The following RETREG1 variants were observed in gnomAD, a reference collection of about 807,000 sequenced individuals.
RETREG1 encodes the protein family with sequence similarity 134 member B.
In RETREG1, 44 loss-of-function variants were observed where a neutral mutation model predicts 54.8. The observed-to-expected ratio is 0.80, with a 90% CI of 0.63 to 1.03. RETREG1 has a LOEUF of 1.03. Among genes scored for constraint, RETREG1 ranks in the 50% least tolerant of loss-of-function variants. The probability of loss-of-function intolerance (pLI) is 0.00; values close to 1 mark genes in which losing one functional copy is unlikely to be tolerated. For missense variants in RETREG1, 554 were observed against 605.1 expected, an observed-to-expected ratio of 0.92 and a Z score of 0.89; for synonymous variants, 217 against 238.5, an observed-to-expected ratio of 0.91 and a Z score of 0.83.
At position 16,593,939 on chromosome 5, in the gene RETREG1, C is replaced by T. The variant is rs994200652; in HGVS notation, c.321-21837G>A. Among the ~76,000 whole-genome samples, 16 of 152,236 alleles carry T rather than the reference C, an allele frequency of 1.1e-4. No homozygotes were observed. Among genetic ancestry groups the T allele is most frequent in the African/African-American group, 3.9e-4 (16 of 41,468 alleles). On this transcript the variant is annotated intron_variant, in intron 1 of 8. Coordinates refer to ENST00000306320, the MANE Select transcript of RETREG1 (RefSeq NM_001034850.3). This position sits in a 1 kb window ranked among gnomAD's most constrained non-coding sequence, Gnocchi z 4.9. The stretch of plus-strand genomic sequence containing the variant: ...ACGAATGTCTGGCCTTCTTTCTAGA[C>T]ACCTGGTAGTTCCAACAAAAAGCCA...
chr5:16,543,997 C>A (rs914255181), intron 3 of RETREG1, among the ~76,000 whole-genome samples: 27 of 113,560 alleles, frequency 2.4e-4, no homozygotes, highest in East Asian at 6.0e-4. Flanking sequence ...TTTTTGGAGA[C>A]GGAGTCTCAC....
chr5:16,543,954 G>T (rs1418781073), intron 3 of RETREG1, among the ~76,000 whole-genome samples: 16 of 147,172 alleles, frequency 1.1e-4, no homozygotes, highest in Admixed American at 4.0e-4. Context: ...TTTTTTATGG[G>T]TTTGTTTATT....
intron 3 of RETREG1, among the ~76,000 whole-genome samples, chr5:16,486,256 G>A (rs906388270): frequency 6.6e-5 from 10 of 152,128 alleles, no homozygotes; most frequent in East Asian, 3.9e-4. Context: ...AAATTTAATC[G>A]AAATATATAT....
intron 1 of RETREG1, among the ~76,000 whole-genome samples, chr5:16,581,801 G>A (rs9687146): frequency 6.6e-6 from 1 of 152,036 alleles, no homozygotes; most frequent in African/African-American, 2.4e-5. Context: ...AGAGTTACAT[G>A]TTCTTTTAGC....
intron 3 of RETREG1, among the ~76,000 whole-genome samples, chr5:16,514,420 C>T (rs1335195127): frequency 6.6e-6 from 1 of 152,146 alleles, no homozygotes; most frequent in Non-Finnish European, 1.5e-5. Flanking sequence ...CAGATATTTT[C>T]ATTTTGGAAT....
At chr5:16,480,378 T>G (rs1738715346) in intron 5 of RETREG1, among the ~76,000 whole-genome samples, 1 of 152,118 alleles carries the variant, frequency 6.6e-6, no homozygotes, top group African/African-American at 2.4e-5. Flanking sequence ...TTCCTCCAAT[T>G]GATGGATGTA....
At chr5:16,557,855 T>TA (rs1741751537) in intron 3 of RETREG1, among the ~76,000 whole-genome samples, 1 of 152,156 alleles carries the variant, frequency 6.6e-6, no homozygotes, top group African/African-American at 2.4e-5. Flanking sequence ...ATCTAATTGC[T>TA]ATGGTTTGAA....
chr5:16,475,382 C>T, intron 8 of RETREG1, 148 bp from the exon 9 acceptor site: 1 of 822,562 alleles, frequency 1.2e-6, no homozygotes, highest in Non-Finnish European at 2.0e-6. Flanking sequence ...TCAATTTAAC[C>T]ACATACTGAA....
intron 3 of RETREG1, among the ~76,000 whole-genome samples, chr5:16,501,518 AATTTTTATTTATTTTTTT>A (rs1182629464): frequency 1.4e-5 from 2 of 145,200 alleles, no homozygotes; most frequent in Non-Finnish European, 3.1e-5. Flanking sequence ...ATTGGCCTGC[AATTTTTATTTATTTTTTT>A]ATTTTTATTT....
chr5:16,535,863 G>C (rs7709418), intron 3 of RETREG1, among the ~76,000 whole-genome samples: 94 of 82,526 alleles, frequency 1.1e-3, no homozygotes, highest in South Asian at 2.3e-3. Context: ...GCTGCCTTCA[G>C]GAAGTGGGAG....
chr5:16,503,194 T>C (rs35806092), intron 3 of RETREG1, among the ~76,000 whole-genome samples: 35,880 of 152,150 alleles, frequency 0.24, 4,515 homozygotes, highest in Middle Eastern at 0.31. Context: ...GATTCAGATA[T>C]CTCACGCAAA....
chr5:16,500,980 TG>T (rs1263211347), intron 3 of RETREG1, among the ~76,000 whole-genome samples: 1 of 152,150 alleles, frequency 6.6e-6, no homozygotes, highest in Non-Finnish European at 1.5e-5. Context: ...GTTAAGGACC[TG>T]CCCTATATAT....
chr5:16,551,772 C>CA (rs1741548781), intron 3 of RETREG1, among the ~76,000 whole-genome samples: 1 of 152,110 alleles, frequency 6.6e-6, no homozygotes, highest in Non-Finnish European at 1.5e-5. Context: ...CTGAACACCA[C>CA]AAAAATCCAT....
At position 16,478,946 on chromosome 5, in the gene RETREG1, TATC is replaced by T. The variant is rs765165944; in HGVS notation, c.709_711del (p.Asp237del). 3 of 1,612,242 alleles carry T rather than the reference TATC, an allele frequency of 1.9e-6. No individual in the cohort carries two copies. The highest frequency in any genetic ancestry group is 2.5e-6 in the Non-Finnish European group (3 of 1,178,924). On this transcript the variant is annotated inframe_deletion, in exon 6 of 9. Transcript: ENST00000306320. ...ATTTTGCTGTAAATTTTTTGTCCAA[TATC>T]ATTACATTTAAACAATGGACACAAA...
chr5:16,507,421 A>G (rs16868697), intron 3 of RETREG1, among the ~76,000 whole-genome samples: 3,227 of 152,308 alleles, frequency 0.021, 126 homozygotes, highest in African/African-American at 0.074. Flanking sequence ...ATGATCTCAA[A>G]ACTGAACCTG....
At chr5:16,609,175 T>C (rs190867738) in intron 1 of RETREG1, among the ~76,000 whole-genome samples, 140 of 152,290 alleles carry the variant, frequency 9.2e-4, no homozygotes, top group Non-Finnish European at 3.8e-4. Context: ...ACTACAAACA[T>C]TCTATTGAAC....
At chr5:16,484,151 A>G (rs1738926695) in intron 3 of RETREG1, among the ~76,000 whole-genome samples, 2 of 152,096 alleles carry the variant, frequency 1.3e-5, no homozygotes. Flanking sequence ...ATCATCTAGA[A>G]TGTGTTGAGT....
chr5:16,609,764 G>T (rs747406166), intron 1 of RETREG1, among the ~76,000 whole-genome samples: 12 of 152,194 alleles, frequency 7.9e-5, no homozygotes, highest in Non-Finnish European at 1.8e-4. Context: ...GGGCGATCCT[G>T]GGGAGGGGCC....
chr5:16,481,415 T>A (rs1365710509), intron 4 of RETREG1, among the ~76,000 whole-genome samples: 1 of 152,098 alleles, frequency 6.6e-6, no homozygotes, highest in African/African-American at 2.4e-5. Flanking sequence ...AAAACTATTA[T>A]GTTCCCAGAA....
Sources: gnomAD v4.1 joint callset for allele counts (sites outside exome capture counted in the v4.1 genomes callset) on GRCh38, gnomAD v4.1.1 for gene constraint, Gnocchi (gnomAD v3.1) non-coding constraint, MANE v1.5 for transcripts, NCBI Gene and HGNC (gene_info 2026-07-23, HGNC 2026-07-21) for gene names.